The following COL5A2 variants were observed in gnomAD, a reference collection of about 807,000 sequenced individuals.
COL5A2 encodes collagen type V alpha 2 chain, also known as collagen alpha-2(V) chain.
Under a neutral mutation model 208.2 loss-of-function variants are expected in COL5A2, and 23 were observed. The ratio of observed to expected loss-of-function variants is 0.11; its 90% CI spans 0.08 to 0.16. COL5A2 has a LOEUF of 0.16. Among genes scored for constraint, COL5A2 ranks in the 10% least tolerant of loss-of-function variants. The probability of loss-of-function intolerance (pLI) is 1.00; values close to 1 mark genes in which losing one functional copy is unlikely to be tolerated. For missense variants in COL5A2, 1,590 were observed against 1,956.4 expected (o/e 0.81, Z 3.53); for synonymous variants, 625 against 628.5 (o/e 0.99, Z 0.08).
chr2:189,196,178 T>C (rs981254460), intron 1 of COL5A2, among the ~76,000 whole-genome samples: 3 of 152,350 alleles, frequency 2.0e-5, no homozygotes, highest in African/African-American at 7.2e-5. Flanking sequence ...AAGACATTTA[T>C]GCAACCAACA....
chr2:189,055,734 A>C (rs1387279115), intron 35 of COL5A2, among the ~76,000 whole-genome samples: 1 of 152,208 alleles, frequency 6.6e-6, no homozygotes, highest in Non-Finnish European at 1.5e-5. Flanking sequence ...TTCCTGCAAC[A>C]ATGTAGTGTC....
the COL5A2 span, among the ~76,000 whole-genome samples, chr2:189,364,132 C>T: frequency 2.0e-5 from 3 of 152,186 alleles, no homozygotes; most frequent in Non-Finnish European, 1.5e-5. Context: ...GCAATTAATG[C>T]AGTTATTACA....
At chr2:189,160,472 A>G (rs940125628) in intron 1 of COL5A2, among the ~76,000 whole-genome samples, 7 of 152,122 alleles carry the variant, frequency 4.6e-5, no homozygotes, top group African/African-American at 1.4e-4. Flanking sequence ...TGAAGCCTAT[A>G]AACAGCCTAC....
the COL5A2 span, among the ~76,000 whole-genome samples, chr2:189,334,789 CA>C: frequency 5.9e-5 from 9 of 151,386 alleles, no homozygotes; most frequent in Non-Finnish European, 7.4e-5. Context: ...TAAAAGAGAA[CA>C]AAAAAAATGT....
At chr2:189,201,269 G>A (rs1689064763) in intron 1 of COL5A2, among the ~76,000 whole-genome samples, 1 of 151,798 alleles carries the variant, frequency 6.6e-6, no homozygotes. Context: ...CTAAAGCCTA[G>A]CAACCACTAA....
the COL5A2 span, among the ~76,000 whole-genome samples, chr2:189,292,065 T>G: frequency 2.0e-5 from 3 of 152,290 alleles, no homozygotes; most frequent in African/African-American, 7.2e-5. Context: ...AATTTTGCAT[T>G]TTCCTAGAGA....
At chr2:189,438,691 A>G in the COL5A2 span, among the ~76,000 whole-genome samples, 1,334 of 152,288 alleles carry the variant, frequency 8.8e-3, 19 homozygotes, top group African/African-American at 0.03. Context: ...AAGGAGAAAT[A>G]CTGGGGAATT....
chr2:189,052,882 C>G, intron 39 of COL5A2, 29 bp downstream of exon 39: 1 of 1,612,014 alleles, frequency 6.2e-7, no homozygotes, highest in Non-Finnish European at 8.5e-7. Flanking sequence ...GCACTTGACT[C>G]AAGTTATGCC....
chr2:189,075,349 G>A (rs1686381653), intron 17 of COL5A2, 44 bp downstream of exon 17: 1 of 1,335,428 alleles, frequency 7.5e-7, no homozygotes, highest in Non-Finnish European at 1.1e-6. Flanking sequence ...ATGGAAGAAT[G>A]CATGAATAAA....
At chr2:189,171,798 C>G (rs1192797353) in intron 1 of COL5A2, among the ~76,000 whole-genome samples, 5 of 152,130 alleles carry the variant, frequency 3.3e-5, no homozygotes, top group Non-Finnish European at 7.3e-5. Flanking sequence ...AAACAAAACC[C>G]TTAATTCTAG....
chr2:189,400,548 A>AAAG, the COL5A2 span, among the ~76,000 whole-genome samples: 1 of 152,198 alleles, frequency 6.6e-6, no homozygotes, highest in Non-Finnish European at 1.5e-5. Context: ...GAGTTATTAT[A>AAAG]AAGTCCATGT....
chr2:189,064,995 C>A lies in COL5A2; in HGVS notation c.1617+9G>T, dbSNP rs186490845. ...CACGTAAGTATCAACATTGACAGGG[C>A]AACCTCACCTTTGGCCCAGGTAAAC... is the stretch of plus-strand genomic sequence containing the variant. On this transcript the variant is annotated intron_variant, in intron 24 of 53. Transcript: ENST00000374866. 28 of 1,613,458 alleles carry A rather than the reference C, an allele frequency of 1.7e-5. No individual in the cohort carries two copies. In the African/African-American group the frequency reaches 3.1e-4, roughly 18 times the overall value.
chr2:189,426,283 G>C, the COL5A2 span, among the ~76,000 whole-genome samples: 1 of 152,060 alleles, frequency 6.6e-6, no homozygotes, highest in South Asian at 2.1e-4. Context: ...AGTCAAGCTG[G>C]GAACTGCTTA....
chr2:189,234,050 T>C, the COL5A2 span, among the ~76,000 whole-genome samples: 1 of 151,742 alleles, frequency 6.6e-6, no homozygotes, highest in Non-Finnish European at 1.5e-5. Flanking sequence ...CTGTGATATC[T>C]ACTTTCAGCA....
chr2:189,430,626 T>G, the COL5A2 span, among the ~76,000 whole-genome samples: 4 of 152,234 alleles, frequency 2.6e-5, no homozygotes, highest in Admixed American at 2.6e-4. Context: ...TCAGCCTGGC[T>G]GGAGGAGGGG....
intron 1 of COL5A2, among the ~76,000 whole-genome samples, chr2:189,207,782 C>G (rs1689159538): frequency 6.6e-6 from 1 of 152,104 alleles, no homozygotes; most frequent in African/African-American, 2.4e-5. Flanking sequence ...GTCACTAAAT[C>G]CAGTGCAAAA....
chr2:189,201,751 A>G lies in COL5A2; in HGVS notation c.-42+23397T>C, dbSNP rs535223979. The stretch of plus-strand genomic sequence containing the variant: ...AAGACAAACTGCTTTGAAGGGAACA[A>G]CATATAAGCTAAGAGCTAATTTCTC... On this transcript the variant is annotated intron_variant, in intron 1 of 10. Coordinates refer to the COL5A2 transcript ENST00000649966. 2.7e-3 allele frequency among the ~76,000 whole-genome samples: 417 copies of G among 152,058 alleles called. 2 individuals carry two copies. Among genetic ancestry groups the G allele is most frequent in the African/African-American group, 9.4e-3 (390 of 41,556 alleles).
chr2:189,388,670 G>A, the COL5A2 span, among the ~76,000 whole-genome samples: 5 of 152,144 alleles, frequency 3.3e-5, no homozygotes, highest in African/African-American at 7.2e-5. Flanking sequence ...GTTTAAGTGG[G>A]AGCAAAATAA....
intron 1 of COL5A2, among the ~76,000 whole-genome samples, chr2:189,131,806 C>A (rs538338462): frequency 1.3e-5 from 2 of 152,236 alleles, no homozygotes; most frequent in African/African-American, 4.8e-5. Context: ...TTTCTTCATC[C>A]ATATACATAA....
Sources: gnomAD v4.1 joint callset for allele counts (sites outside exome capture counted in the v4.1 genomes callset) on GRCh38, gnomAD v4.1.1 for gene constraint, MANE v1.5 for transcripts, NCBI Gene and HGNC (gene_info 2026-07-23, HGNC 2026-07-21) for gene names.